The following KLHL1 variants were observed in gnomAD, a reference collection of about 807,000 sequenced individuals.
The protein encoded by KLHL1 is kelch like family member 1.
In KLHL1, 47 loss-of-function variants were observed where a neutral mutation model predicts 77.7. The observed-to-expected ratio is 0.60, with a 90% CI of 0.48 to 0.77. The LOEUF (loss-of-function observed/expected upper bound fraction) is 0.77, where lower values mean the gene tolerates loss of function less well. Ranked by LOEUF, KLHL1 falls within the 30% of genes least tolerant of loss-of-function variation. KLHL1 has a pLI of 0.00. For synonymous variants in KLHL1, 360 were observed against 325.2 expected (o/e 1.11, Z -1.15); for missense variants, 925 against 910.8 (o/e 1.02, Z -0.20).
At chr13:69,730,627 G>A (rs1292419041) in intron 8 of KLHL1, among the ~76,000 whole-genome samples, 2 of 151,964 alleles carry the variant, frequency 1.3e-5, no homozygotes, top group African/African-American at 4.8e-5. Flanking sequence ...AGGCTATAGA[G>A]CAGGTGGCAT....
intron 8 of KLHL1, among the ~76,000 whole-genome samples, chr13:69,724,308 C>T (rs1024433330): frequency 7.9e-5 from 12 of 152,106 alleles, no homozygotes; most frequent in African/African-American, 2.9e-4. Flanking sequence ...GGGCACATGT[C>T]GTCAGGACCT....
At chr13:69,988,909 T>G (rs1390556134) in intron 1 of KLHL1, among the ~76,000 whole-genome samples, 1 of 152,122 alleles carries the variant, frequency 6.6e-6, no homozygotes, top group Admixed American at 6.6e-5. Flanking sequence ...TCCAATTCTG[T>G]AGGTTGTCTG....
intron 6 of KLHL1, among the ~76,000 whole-genome samples, chr13:69,819,270 C>T (rs775263048): frequency 6.6e-5 from 10 of 152,020 alleles, no homozygotes; most frequent in Non-Finnish European, 1.2e-4. Context: ...AGACAAATAT[C>T]AGGGGTTTAA....
At chr13:69,895,757 T>C (rs1307112182) in intron 4 of KLHL1, among the ~76,000 whole-genome samples, 1 of 150,942 alleles carries the variant, frequency 6.6e-6, no homozygotes, top group Non-Finnish European at 1.5e-5. Context: ...CAAGTTGAAG[T>C]TTGCAGTGGT....
intron 3 of KLHL1, among the ~76,000 whole-genome samples, chr13:69,955,959 ATATTTATATATT>A (rs1883857611): frequency 4.2e-5 from 5 of 118,632 alleles, no homozygotes; most frequent in African/African-American, 1.7e-4. Flanking sequence ...TATATATTTG[ATATTTATATATT>A]TGATATATAT....
intron 4 of KLHL1, among the ~76,000 whole-genome samples, chr13:69,934,968 A>ATATATATATATATATATATATATG (rs1566419246): frequency 3.4e-5 from 2 of 59,422 alleles, no homozygotes; most frequent in African/African-American, 4.3e-5. Context: ...ATGTGTATAT[A>ATATATATATATATATATATATATG]TATATATATA....
chr13:70,006,444 C>T (rs954319990), intron 1 of KLHL1, among the ~76,000 whole-genome samples: 1 of 148,604 alleles, frequency 6.7e-6, no homozygotes, highest in African/African-American at 2.5e-5. Context: ...ATTGTCTTTG[C>T]CTGGCTTTGA....
intron 7 of KLHL1, among the ~76,000 whole-genome samples, chr13:69,782,113 T>C (rs1012802666): frequency 3.9e-5 from 6 of 152,156 alleles, no homozygotes; most frequent in African/African-American, 9.7e-5. Flanking sequence ...TTGTGTTCTT[T>C]TTCTGTTTTA....
At chr13:70,041,559 A>C (rs984249891) in intron 1 of KLHL1, among the ~76,000 whole-genome samples, 1 of 152,108 alleles carries the variant, frequency 6.6e-6, no homozygotes, top group African/African-American at 2.4e-5. Flanking sequence ...TACTAGGTCT[A>C]TACTACTGTG....
At chr13:69,921,844 A>G (rs2138265192) in intron 4 of KLHL1, among the ~76,000 whole-genome samples, 1 of 152,216 alleles carries the variant, frequency 6.6e-6, no homozygotes, top group South Asian at 2.1e-4. Flanking sequence ...ATACAAAAGC[A>G]TAGTAATAAT....
intron 1 of KLHL1, among the ~76,000 whole-genome samples, chr13:70,094,082 G>A (rs758875870): frequency 1.3e-5 from 2 of 152,056 alleles, no homozygotes; most frequent in African/African-American, 4.8e-5. Flanking sequence ...TTTAACACAA[G>A]AAAGTTAGAT....
intron 1 of KLHL1, among the ~76,000 whole-genome samples, chr13:70,098,786 T>A (rs1009268624): frequency 1.3e-5 from 2 of 151,838 alleles, no homozygotes; most frequent in African/African-American, 4.8e-5. Context: ...AATGTTCCTA[T>A]ATACCTGCTG....
At chr13:70,059,408 G>A (rs556468533) in intron 1 of KLHL1, among the ~76,000 whole-genome samples, 7 of 152,172 alleles carry the variant, frequency 4.6e-5, no homozygotes, top group Admixed American at 4.6e-4. Flanking sequence ...GACCTCAAGT[G>A]ATCCACCTGC....
chr13:70,002,829 G>A (rs968687125), intron 1 of KLHL1, among the ~76,000 whole-genome samples: 1 of 151,586 alleles, frequency 6.6e-6, no homozygotes, highest in Non-Finnish European at 1.5e-5. Context: ...GGGAGAATGG[G>A]CATACATTTA....
At chr13:69,889,057 T>C (rs1331495085) in intron 4 of KLHL1, among the ~76,000 whole-genome samples, 1 of 151,710 alleles carries the variant, frequency 6.6e-6, no homozygotes, top group South Asian at 2.1e-4. Context: ...TATATATATA[T>C]ATAATTTTCT....
At chr13:70,066,450 T>C (rs1887006953) in intron 1 of KLHL1, among the ~76,000 whole-genome samples, 2 of 152,162 alleles carry the variant, frequency 1.3e-5, no homozygotes, top group Admixed American at 1.3e-4. Flanking sequence ...AATAAAAATT[T>C]TGATGCGTGA....
intron 4 of KLHL1, among the ~76,000 whole-genome samples, chr13:69,925,422 A>G (rs1248407472): frequency 1.3e-5 from 2 of 152,206 alleles, no homozygotes; most frequent in East Asian, 1.9e-4. Flanking sequence ...TTTTAGTGCA[A>G]TCATGAAGAA....
chr13:69,764,955 T>TTTTTTTTTTTTTTTTTTTTTTTTTTTC lies in KLHL1; in HGVS notation c.1640-24400_1640-24399insGAAAAAAAAAAAAAAAAAAAAAAAAAA. Among the ~76,000 whole-genome samples the TTTTTTTTTTTTTTTTTTTTTTTTTTTC allele has an allele frequency of 2.1e-5, 2 of 93,430 alleles. 1 individual carries two copies. The highest frequency in any genetic ancestry group is 4.4e-5 in the Non-Finnish European group (2 of 45,164). 61.3% of individuals were successfully genotyped at this position (93,430 alleles called of 152,430 possible). ...TTTTTTTTTTTTTTTTTTTTTTTTT[T>TTTTTTTTTTTTTTTTTTTTTTTTTTTC]TTTTTTTTTTTTTTGAGACCAAGTC... On this transcript the variant is annotated intron_variant, in intron 7 of 10. Transcript: ENST00000377844.
intron 4 of KLHL1, among the ~76,000 whole-genome samples, chr13:69,913,154 A>G (rs1469556849): frequency 3.3e-5 from 5 of 151,746 alleles, no homozygotes; most frequent in Non-Finnish European, 7.4e-5. Flanking sequence ...ACAGATTAAG[A>G]CCTTTTTGTT....
Sources: allele counts gnomAD v4.1 joint callset (sites outside exome capture counted in the v4.1 genomes callset), GRCh38; gene constraint gnomAD v4.1.1; transcripts MANE v1.5; gene names NCBI Gene and HGNC (gene_info 2026-07-23, HGNC 2026-07-21).